The following DRC9 variants were observed in gnomAD, a reference collection of about 807,000 sequenced individuals.
The protein encoded by DRC9 is dynein regulatory complex protein 9.
the DRC9 span, among the ~76,000 whole-genome samples, chr3:197,922,318 G>A: frequency 6.6e-6 from 1 of 152,178 alleles, no homozygotes; most frequent in African/African-American, 2.4e-5. Flanking sequence ...ATCAACAGGT[G>A]TGGTCCTTAT....
At chr3:197,892,892 A>C in the DRC9 span, 1 of 1,132,528 alleles carries the variant, frequency 8.8e-7, no homozygotes, top group East Asian at 2.4e-5. Flanking sequence ...GTAGTTACTT[A>C]CCTGGGTGGA....
At chr3:197,918,825 T>C in the DRC9 span, among the ~76,000 whole-genome samples, 1 of 152,156 alleles carries the variant, frequency 6.6e-6, no homozygotes, top group South Asian at 2.1e-4. Context: ...TGTTGTTGTT[T>C]TAGACCGAGT....
the DRC9 span, among the ~76,000 whole-genome samples, chr3:197,910,654 C>T: frequency 2.0e-5 from 3 of 152,174 alleles, no homozygotes; most frequent in Non-Finnish European, 4.4e-5. Flanking sequence ...GGAAAATTTT[C>T]TCTTTATTCA....
At chr3:197,921,475 G>A in the DRC9 span, among the ~76,000 whole-genome samples, 1 of 85,078 alleles carries the variant, frequency 1.2e-5, no homozygotes, top group Non-Finnish European at 2.2e-5. Flanking sequence ...CTGGTTTTCA[G>A]TAACTCCGGG....
the DRC9 span, chr3:197,950,626 T>C: frequency 4.6e-6 from 2 of 437,008 alleles, no homozygotes; most frequent in Non-Finnish European, 8.2e-6. Flanking sequence ...TAAGGCTTCA[T>C]TTCTTTTCCT....
chr3:197,947,444 C>G, the DRC9 span, among the ~76,000 whole-genome samples: 1 of 152,188 alleles, frequency 6.6e-6, no homozygotes, highest in Non-Finnish European at 1.5e-5. Flanking sequence ...CCTCTCTAGA[C>G]CCAACTACAA....
chr3:197,953,781 G>A, the DRC9 span: 1 of 604,434 alleles, frequency 1.7e-6, no homozygotes, highest in African/African-American at 1.9e-5. Flanking sequence ...TGGTTATCAT[G>A]TGAAAGATTT....
chr3:197,955,219 C>G, the DRC9 span, among the ~76,000 whole-genome samples: 1 of 151,876 alleles, frequency 6.6e-6, no homozygotes. Flanking sequence ...GGCTTTTACT[C>G]TGTCTTTAGA....
chr3:197,918,282 T>C, the DRC9 span, among the ~76,000 whole-genome samples: 1 of 144,316 alleles, frequency 6.9e-6, no homozygotes, highest in Admixed American at 6.9e-5. Flanking sequence ...TTTTTTTTTT[T>C]TGGTAGAGAT....
At chr3:197,921,222 G>T in the DRC9 span, among the ~76,000 whole-genome samples, 4 of 71,298 alleles carry the variant, frequency 5.6e-5, no homozygotes, top group African/African-American at 3.3e-4. Context: ...ACCTGATTTC[G>T]TCTTGGTCGA....
At chr3:197,931,859 T>A in the DRC9 span, among the ~76,000 whole-genome samples, 2 of 151,892 alleles carry the variant, frequency 1.3e-5, no homozygotes, top group Admixed American at 1.3e-4. Flanking sequence ...TCTCCTGACC[T>A]CGTGATCCGC....
chr3:197,941,343 CTGTCTCTTT>C, the DRC9 span, among the ~76,000 whole-genome samples: 31 of 69,640 alleles, frequency 4.5e-4, no homozygotes, highest in African/African-American at 1.8e-3. Context: ...TCTCTCCCCT[CTGTCTCTTT>C]CTTTCCCTTC....
chr3:197,915,177 A>T, the DRC9 span, among the ~76,000 whole-genome samples: 1 of 150,452 alleles, frequency 6.6e-6, no homozygotes, highest in East Asian at 1.9e-4. Context: ...AAAAAAAAAA[A>T]AAAAGAAAAG....
the DRC9 span, among the ~76,000 whole-genome samples, chr3:197,924,441 C>T: frequency 5.9e-5 from 9 of 152,282 alleles, no homozygotes; most frequent in South Asian, 1.2e-3. Context: ...TAGGGAATAA[C>T]GAAAATTCCC....
At chr3:197,935,294 A>G in the DRC9 span, among the ~76,000 whole-genome samples, 21 of 152,036 alleles carry the variant, frequency 1.4e-4, no homozygotes, top group South Asian at 1.0e-3. Flanking sequence ...TACAAAATTA[A>G]CCAGGCGTGG....
the DRC9 span, among the ~76,000 whole-genome samples, chr3:197,904,160 GAC>G: frequency 7.5e-5 from 11 of 146,308 alleles, no homozygotes; most frequent in Admixed American, 7.7e-4. Context: ...CTGAAAAGAA[GAC>G]ACACAAACAC....
chr3:197,952,998 A>G, the DRC9 span, among the ~76,000 whole-genome samples: 32 of 151,846 alleles, frequency 2.1e-4, no homozygotes, highest in African/African-American at 7.5e-4. Flanking sequence ...ACAGGGTTTC[A>G]CCATGTTGGC....
chr3:197,925,088 G>A, the DRC9 span, among the ~76,000 whole-genome samples: 8 of 152,088 alleles, frequency 5.3e-5, no homozygotes, highest in Non-Finnish European at 1.5e-5. Context: ...TGTGCTGAAT[G>A]TCTTCTTTAG....
chr3:197,894,344 A>G, the DRC9 span, among the ~76,000 whole-genome samples: 2 of 152,226 alleles, frequency 1.3e-5, no homozygotes, highest in African/African-American at 4.8e-5. Context: ...CACTATATAT[A>G]TTTACATATA....
Sources: gnomAD v4.1 joint callset for allele counts (sites outside exome capture counted in the v4.1 genomes callset) on GRCh38, gnomAD v4.1.1 for gene constraint, MANE v1.5 for transcripts, NCBI Gene and HGNC (gene_info 2026-07-23, HGNC 2026-07-21) for gene names.